The following GRIA4 variants were observed in gnomAD, a reference collection of about 807,000 sequenced individuals.
The protein encoded by GRIA4 is glutamate ionotropic receptor AMPA type subunit 4.
In GRIA4, 34 loss-of-function variants were observed where a neutral mutation model predicts 104.0. The ratio of observed to expected loss-of-function variants is 0.33; its 90% CI spans 0.25 to 0.44. The LOEUF (loss-of-function observed/expected upper bound fraction) is 0.44. Among genes scored for constraint, GRIA4 ranks in the 20% least tolerant of loss-of-function variants. The probability of loss-of-function intolerance (pLI) is 1.00; values close to 1 mark genes in which losing one functional copy is unlikely to be tolerated. For missense variants in GRIA4, 750 were observed against 1,096.5 expected (o/e 0.68, Z 4.46); for synonymous variants, 386 against 381.9 (o/e 1.01, Z -0.13).
intron 4 of GRIA4, among the ~76,000 whole-genome samples, chr11:105,844,749 G>C (rs1319416413): frequency 6.6e-6 from 1 of 152,108 alleles, no homozygotes; most frequent in Non-Finnish European, 1.5e-5. Flanking sequence ...TGCTGCTGCT[G>C]CTACCATTAC....
intron 3 of GRIA4, among the ~76,000 whole-genome samples, chr11:105,737,999 A>G (rs1327975734): frequency 1.3e-5 from 2 of 152,054 alleles, no homozygotes; most frequent in Non-Finnish European, 2.9e-5. Flanking sequence ...TGGGTATATA[A>G]TAAGTTCCCC....
chr11:105,743,861 T>C (rs1181131721), intron 3 of GRIA4, among the ~76,000 whole-genome samples: 1 of 152,174 alleles, frequency 6.6e-6, no homozygotes, highest in African/African-American at 2.4e-5. Flanking sequence ...ATCCTCCTCA[T>C]TCAATAATTT....
chr11:105,944,363 G>A (rs2136229689), intron 14 of GRIA4, among the ~76,000 whole-genome samples: 1 of 152,126 alleles, frequency 6.6e-6, no homozygotes, highest in South Asian at 2.1e-4. Flanking sequence ...GATCTTGTAT[G>A]GGTTCAGGCT....
chr11:105,727,988 C>A (rs778978644), intron 3 of GRIA4, among the ~76,000 whole-genome samples: 4 of 152,122 alleles, frequency 2.6e-5, no homozygotes, highest in Non-Finnish European at 5.9e-5. Context: ...AAATAACGAG[C>A]TAGCATCATA....
chr11:105,851,444 G>T (rs1944805583), intron 4 of GRIA4, among the ~76,000 whole-genome samples: 1 of 152,114 alleles, frequency 6.6e-6, no homozygotes, highest in South Asian at 2.1e-4. Flanking sequence ...TTTAATAAAT[G>T]ATTTAATTAA....
chr11:105,965,551 T>C (rs902680819), intron 14 of GRIA4, among the ~76,000 whole-genome samples: 3 of 99,220 alleles, frequency 3.0e-5, no homozygotes, highest in Non-Finnish European at 4.2e-5. Flanking sequence ...TGCCATTTTG[T>C]TTTTCCTTGT....
chr11:105,877,329 C>T (rs1173235736), intron 5 of GRIA4, among the ~76,000 whole-genome samples: 1 of 152,170 alleles, frequency 6.6e-6, no homozygotes, highest in Non-Finnish European at 1.5e-5. Flanking sequence ...TTCTCTCTGG[C>T]TGCCCTTAAC....
chr11:105,913,717 T>G (rs911619443), intron 10 of GRIA4, among the ~76,000 whole-genome samples: 3 of 152,070 alleles, frequency 2.0e-5, no homozygotes, highest in African/African-American at 4.8e-5. Flanking sequence ...GATAATACAG[T>G]GATGTTTCAG....
At chr11:105,893,269 A>G (rs1946519830) in intron 6 of GRIA4, among the ~76,000 whole-genome samples, 1 of 152,162 alleles carries the variant, frequency 6.6e-6, no homozygotes, top group African/African-American at 2.4e-5. Context: ...AATGTTGCCC[A>G]GGAACTCTCA....
At chr11:105,668,956 A>G (rs1000513599) in intron 3 of GRIA4, among the ~76,000 whole-genome samples, 8 of 151,904 alleles carry the variant, frequency 5.3e-5, no homozygotes. Flanking sequence ...TCTGCTGGAC[A>G]TTGCCACCTA....
intron 6 of GRIA4, among the ~76,000 whole-genome samples, chr11:105,895,775 C>A (rs988364426): frequency 2.0e-5 from 3 of 152,142 alleles, no homozygotes; most frequent in African/African-American, 7.2e-5. Flanking sequence ...TCCTACCACA[C>A]AGGAGTCCAT....
chr11:105,914,084 T>C (rs1947333833), intron 10 of GRIA4, among the ~76,000 whole-genome samples: 1 of 151,726 alleles, frequency 6.6e-6, no homozygotes, highest in African/African-American at 2.4e-5. Context: ...CAGACATACA[T>C]ACAGAAAATT....
chr11:105,961,245 A>C (rs1381607036), intron 14 of GRIA4, among the ~76,000 whole-genome samples: 1 of 152,186 alleles, frequency 6.6e-6, no homozygotes, highest in Non-Finnish European at 1.5e-5. Flanking sequence ...AGGCAGAATT[A>C]TTTTTATATG....
rs764386183 is a variant in GRIA4 at position 105,979,743 on chromosome 11, C to G, written c.*4C>G. ...CATTGCATCGGACCTACCATAAAAA[C>G]CAAAAAAATAATTGAGTGCCTTAAT... On this transcript the variant is annotated 3_prime_UTR_variant, in exon 17 of 17. Transcript: ENST00000282499. The G allele has an allele frequency of 6.2e-7, 1 of 1,606,776 alleles. No homozygotes were observed. Among genetic ancestry groups the G allele is most frequent in the Non-Finnish European group, 8.5e-7 (1 of 1,175,844 alleles).
intron 4 of GRIA4, among the ~76,000 whole-genome samples, chr11:105,830,986 ACAC>A (rs899138911): frequency 6.6e-6 from 1 of 151,976 alleles, no homozygotes; most frequent in African/African-American, 2.4e-5. Flanking sequence ...ACACACACAC[ACAC>A]ATTTTTTATT....
chr11:105,710,739 G>A (rs2135547814), intron 3 of GRIA4, among the ~76,000 whole-genome samples: 1 of 152,230 alleles, frequency 6.6e-6, no homozygotes, highest in Middle Eastern at 3.4e-3. Context: ...CATTTCCCTA[G>A]AGTGTAAAAG....
At chr11:105,972,108 C>A in intron 15 of GRIA4, 80 bp downstream of exon 15, 1 of 819,624 alleles carries the variant, frequency 1.2e-6, no homozygotes, top group South Asian at 1.4e-5. Context: ...ATATGGAAAC[C>A]ATAAAAACTG....
intron 9 of GRIA4, among the ~76,000 whole-genome samples, chr11:105,905,615 G>A (rs1021767071): frequency 2.6e-5 from 4 of 152,168 alleles, no homozygotes; most frequent in African/African-American, 7.2e-5. Context: ...AAGAGAACAC[G>A]AAGCAGTAAA....
rs1182879999 is a variant in GRIA4, at chr11:105,981,928, TA to T, written c.*2190del. The T allele has an allele frequency of 6.6e-6, 1 of 152,448 alleles. No individual in the cohort carries two copies. Among genetic ancestry groups the T allele is most frequent in the Admixed American group, 6.6e-5 (1 of 15,220 alleles). The allele number at this position is 152,448 out of a possible 1,614,324, so 9.4% of individuals were successfully genotyped here. On this transcript the variant is annotated 3_prime_UTR_variant, in exon 17 of 17. Transcript: ENST00000282499. ...CATGTCTTTCCCCCATCACGGCACT[TA>T]CCATACTGCGTTGTAATTGCCTGTG...
Sources: gnomAD v4.1 joint callset for allele counts (sites outside exome capture counted in the v4.1 genomes callset) on GRCh38, gnomAD v4.1.1 for gene constraint, MANE v1.5 for transcripts, NCBI Gene and HGNC (gene_info 2026-07-23, HGNC 2026-07-21) for gene names.